SWAP70: variants seen among roughly 807,000 people sequenced by gnomAD.
SWAP70 encodes switch-associated protein 70.
In SWAP70, 34 loss-of-function variants were observed where a neutral mutation model predicts 80.2. That is an observed-to-expected ratio of 0.42 (90% CI 0.32 to 0.56). The LOEUF (loss-of-function observed/expected upper bound fraction) is 0.56, where lower values mean the gene tolerates loss of function less well. SWAP70 is among the 20% of genes least tolerant of loss of function. SWAP70 has a pLI of 0.09. For synonymous variants in SWAP70, 239 were observed against 238.5 expected, an observed-to-expected ratio of 1.00 and a Z score of -0.02; for missense variants, 578 against 690.7, an observed-to-expected ratio of 0.84 and a Z score of 1.83.
At chr11:9,686,258 A>T (rs1396795539) in intron 1 of SWAP70, among the ~76,000 whole-genome samples, 2 of 151,922 alleles carry the variant, frequency 1.3e-5, no homozygotes, top group Middle Eastern at 3.2e-3. Flanking sequence ...ACACATGCAT[A>T]TACACATATG....
At chr11:9,723,676 T>C (rs1466541072) in intron 3 of SWAP70, among the ~76,000 whole-genome samples, 1 of 152,136 alleles carries the variant, frequency 6.6e-6, no homozygotes, top group Non-Finnish European at 1.5e-5. Context: ...CTGTATAGGA[T>C]ATTTGGGCTT....
chr11:9,674,269 G>T (rs1029579891), intron 1 of SWAP70, among the ~76,000 whole-genome samples: 3 of 152,104 alleles, frequency 2.0e-5, no homozygotes, highest in African/African-American at 7.2e-5. Flanking sequence ...GGGCTATGGC[G>T]TTATGAGCCA....
At chr11:9,672,036 ATATAT>A (rs1402859719) in intron 1 of SWAP70, among the ~76,000 whole-genome samples, 2 of 121,894 alleles carry the variant, frequency 1.6e-5, no homozygotes, top group Admixed American at 9.8e-5. Context: ...TATTTTAATA[ATATAT>A]TTTATATAAT....
At chr11:9,718,928 C>G (rs184379905) in intron 3 of SWAP70, among the ~76,000 whole-genome samples, 79 of 151,330 alleles carry the variant, frequency 5.2e-4, no homozygotes, top group African/African-American at 1.8e-3. Context: ...GGTGAAACCT[C>G]GTCTCTACAA....
intron 6 of SWAP70, among the ~76,000 whole-genome samples, chr11:9,730,074 T>C (rs1174078513): frequency 1.3e-5 from 2 of 152,184 alleles, no homozygotes; most frequent in African/African-American, 4.8e-5. Context: ...ACTCGCATAG[T>C]TGCTGTTAGG....
At chr11:9,742,158 A>G (rs1242662674) in intron 9 of SWAP70, among the ~76,000 whole-genome samples, 16 of 152,078 alleles carry the variant, frequency 1.1e-4, no homozygotes, top group Non-Finnish European at 2.2e-4. Flanking sequence ...AATGGTTTCA[A>G]CCTTTTGAAT....
chr11:9,704,887 G>A (rs184181756), intron 2 of SWAP70, among the ~76,000 whole-genome samples: 28 of 152,304 alleles, frequency 1.8e-4, no homozygotes, highest in Admixed American at 1.5e-3. Context: ...TGAAAGACAG[G>A]ATCTAGAATA....
rs983676152 is a variant in SWAP70 at position 9,729,558 on chromosome 11, G to A, written c.898+107G>A. ...CTGTTGCCCGGGCTGTAGTGCAGTG[G>A]TGCTATCTTGGCTTACTGCAACCTC... is the stretch of plus-strand genomic sequence containing the variant. On this transcript the variant is annotated intron_variant, in intron 6 of 11. Coordinates refer to ENST00000318950, the MANE Select transcript of SWAP70 (RefSeq NM_015055.4). The A allele has an allele frequency of 1.2e-4, 94 of 794,386 alleles. No individual in the cohort carries two copies. In the African/African-American group the frequency reaches 1.4e-3, roughly 12 times the overall value. 49.2% of individuals were successfully genotyped at this position (794,386 alleles called of 1,614,324 possible).
chr11:9,710,669 T>C (rs11604967), intron 2 of SWAP70, among the ~76,000 whole-genome samples: 15 of 151,258 alleles, frequency 9.9e-5, no homozygotes, highest in Admixed American at 3.9e-4. Context: ...TTTTTTTTTT[T>C]AATTTTCAAA....
intron 1 of SWAP70, among the ~76,000 whole-genome samples, chr11:9,673,830 G>GA (rs1183459524): frequency 1.3e-5 from 2 of 151,982 alleles, no homozygotes; most frequent in Non-Finnish European, 1.5e-5. Context: ...AGGAGCAGGC[G>GA]AAAAAAGGGC....
At position 9,729,464 on chromosome 11, in the gene SWAP70, T is replaced by C; in HGVS notation, c.898+13T>C. The C allele has an allele frequency of 6.4e-7, 1 of 1,560,522 alleles. No individual in the cohort carries two copies. Among genetic ancestry groups the C allele is most frequent in the Non-Finnish European group, 8.8e-7 (1 of 1,135,648 alleles). ...GAGTGGATTCAAGGTAAGGTGATTTTTTATTATTTGCCATGATATAACTTG... is the reference window on the plus strand; with the variant it reads ...GAGTGGATTCAAGGTAAGGTGATTTCTTATTATTTGCCATGATATAACTTG... On this transcript the variant is annotated intron_variant, in intron 6 of 11. Transcript: ENST00000318950.
intron 3 of SWAP70, among the ~76,000 whole-genome samples, chr11:9,714,205 A>G (rs1289255494): frequency 6.6e-6 from 1 of 152,262 alleles, no homozygotes; most frequent in Non-Finnish European, 1.5e-5. Context: ...ATGTTAATAC[A>G]TGGTTATTAC....
intron 2 of SWAP70, among the ~76,000 whole-genome samples, chr11:9,708,736 C>T (rs1458932502): frequency 1.3e-5 from 2 of 152,078 alleles, no homozygotes; most frequent in African/African-American, 4.8e-5. Context: ...ATGTCATTTC[C>T]CCTGTGTGGC....
At chr11:9,677,095 C>A (rs1256037403) in intron 1 of SWAP70, among the ~76,000 whole-genome samples, 1 of 151,330 alleles carries the variant, frequency 6.6e-6, no homozygotes, top group African/African-American at 2.4e-5. Flanking sequence ...TCTATACTCT[C>A]TAATAATAAT....
intron 1 of SWAP70, among the ~76,000 whole-genome samples, chr11:9,683,673 T>TC: frequency 1.3e-5 from 2 of 152,154 alleles, no homozygotes; most frequent in Non-Finnish European, 2.9e-5. Context: ...TCATATGGAT[T>TC]TGGCAAAACC....
At position 9,713,453 on chromosome 11, in the gene SWAP70, T is replaced by G; in HGVS notation, c.241-13T>G. On this transcript the variant is annotated splice_polypyrimidine_tract_variant and intron_variant, in intron 2 of 11. Transcript: ENST00000318950. ...GGACTGATTTGTTGGAGTTTTTCCT[T>G]ATTCCTTTTTAGGTCCAAGACAACT... The G allele has an allele frequency of 6.2e-7, 1 of 1,605,152 alleles. No individual in the cohort carries two copies. Among genetic ancestry groups the G allele is most frequent in the Non-Finnish European group, 8.5e-7 (1 of 1,176,832 alleles).
intron 3 of SWAP70, among the ~76,000 whole-genome samples, chr11:9,722,121 AG>A (rs1851146003): frequency 6.6e-6 from 1 of 152,236 alleles, no homozygotes; most frequent in African/African-American, 2.4e-5. Context: ...AAGCAACATT[AG>A]TGGAGTACCT....
At chr11:9,728,008 A>AGG (rs1851247999) in intron 4 of SWAP70, 45 bp from the exon 5 acceptor site, 1 of 1,426,334 alleles carries the variant, frequency 7.0e-7, no homozygotes, top group South Asian at 1.3e-5. Context: ...GTCAGCTCTT[A>AGG]CAAATAAAAA....
At chr11:9,670,451 T>C (rs1228128301) in intron 1 of SWAP70, among the ~76,000 whole-genome samples, 1 of 152,182 alleles carries the variant, frequency 6.6e-6, no homozygotes, top group African/African-American at 2.4e-5. Flanking sequence ...TTTTTTGTTT[T>C]ATTTATTTAT....
Sources: allele counts gnomAD v4.1 joint callset (sites outside exome capture counted in the v4.1 genomes callset), GRCh38; gene constraint gnomAD v4.1.1; transcripts MANE v1.5; gene names NCBI Gene and HGNC (gene_info 2026-07-23, HGNC 2026-07-21).